Variants in RER1 observed in about 807,000 individuals in gnomAD.
The protein encoded by RER1 is protein RER1.
A neutral mutation model predicts 28.3 loss-of-function variants in RER1; 6 were observed. The ratio of observed to expected loss-of-function variants is 0.21; its 90% confidence interval spans 0.12 to 0.42. RER1 has a LOEUF of 0.42. Ranked by LOEUF, RER1 falls within the 10% of genes least tolerant of loss-of-function variation. The probability of loss-of-function intolerance (pLI) is 1.00; values close to 1 mark genes in which losing one functional copy is unlikely to be tolerated. For missense variants in RER1, 159 were observed against 252.9 expected (o/e 0.63, Z 2.52); for synonymous variants, 110 against 95.9 (o/e 1.15, Z -0.86).
At chr1:2,394,184 T>C (rs1268979423) in intron 1 of RER1, 2 of 152,184 alleles carry the variant, frequency 1.3e-5, no homozygotes, top group Non-Finnish European at 1.5e-5. Context: ...AGAGTAAAGG[T>C]GCTCCTCCTC....
At chr1:2,396,260 C>T in intron 2 of RER1, 1 of 248,694 alleles carries the variant, frequency 4.0e-6, no homozygotes, top group Admixed American at 4.9e-5. Flanking sequence ...GCGGTTCTGT[C>T]CTTGAGGGTG....
At chr1:2,401,443 G>A (rs1359453181) in intron 5 of RER1, among the ~76,000 whole-genome samples, 1 of 61,610 alleles carries the variant, frequency 1.6e-5, no homozygotes, top group African/African-American at 6.6e-5. Flanking sequence ...CCCCAGCCTT[G>A]TGGCTCCTTT....
In RER1 at chr1:2,404,311, A is replaced by C. The variant is rs1642925514; in HGVS notation, c.*1187A>C. The C allele has an allele frequency of 6.6e-6, 1 of 152,290 alleles. No individual in the cohort carries two copies. The highest frequency in any genetic ancestry group is 2.1e-4 in the South Asian group (1 of 4,834). The allele number at this position is 152,290 out of a possible 1,614,324, so 9.4% of individuals were successfully genotyped here. ...AGCTTGTGTGTCCCTGACCCAAGAT[A>C]GCCAGTGCTGCTCCCAGGTGGTACT... is the stretch of plus-strand genomic sequence containing the variant. On this transcript the variant is annotated 3_prime_UTR_variant, in exon 7 of 7. Coordinates refer to ENST00000605895, the MANE Select transcript of RER1 (RefSeq NM_007033.5).
intron 1 of RER1, chr1:2,395,384 C>T (rs547404449): frequency 2.5e-5 from 6 of 243,662 alleles, no homozygotes; most frequent in Admixed American, 1.5e-4. Context: ...GGTGCCTGGG[C>T]GGGGGAACCC....
In RER1 at chr1:2,400,845, T is replaced by A; in HGVS notation, c.287-12T>A. ...AAGAGGTGCCCTCCCTGATGGTTGC[T>A]CTGCCTTACAGATGACGGTCCTTCG... On this transcript the variant is annotated splice_polypyrimidine_tract_variant and intron_variant, in intron 4 of 6. Coordinates refer to ENST00000605895, the MANE Select transcript of RER1 (RefSeq NM_007033.5). 1.2e-6 allele frequency: 2 copies of A among 1,612,368 alleles called. No individual in the cohort carries two copies. The highest frequency in any genetic ancestry group is 1.7e-6 in the Non-Finnish European group (2 of 1,178,434).
In RER1 at chr1:2,395,827, G is replaced by A. The variant is rs1642760646; in HGVS notation, c.37G>A (p.Gly13Arg). ...GGACAGTGTGGGAGAATCCGTCCAT[G>A]GGAAACCTTCGGTGGTGTACAGATT... ...EGDSVGESVH[G>R]KPSVVYRFFT... Residue 13 changes from glycine (G) to arginine (R), a missense_variant, in exon 2 of 7, where the codon GGG (glycine) becomes AGG (arginine). Transcript: ENST00000605895. 6.2e-7 allele frequency: 1 copy of A among 1,614,026 alleles called. No individual in the cohort carries two copies.
chr1:2,392,923 A>G (rs1040083553), intron 1 of RER1, among the ~76,000 whole-genome samples: 1 of 95,536 alleles, frequency 1.0e-5, no homozygotes, highest in Non-Finnish European at 2.2e-5. Context: ...AGGACTGAAC[A>G]ACACCAGAGG....
chr1:2,395,867 G>T lies in RER1; in HGVS notation c.77G>T (p.Gly26Val). The part of the protein sequence containing the change: ...SVVYRFFTRL[G>V]QIYQSWLDKS... ...GTGTACAGATTTTTCACAAGACTTG[G>T]ACAGGTTGGTGGGTTTTTTAGTAGA... The change falls in exon 2 of 7, where the codon GGA becomes GTA. Residue 26 changes from glycine to valine, a missense_variant. Coordinates refer to ENST00000605895, the MANE Select transcript of RER1 (RefSeq NM_007033.5). 1 of 1,613,198 alleles carries T rather than the reference G, an allele frequency of 6.2e-7. No homozygotes were observed. The highest frequency in any genetic ancestry group is 8.5e-7 in the Non-Finnish European group (1 of 1,179,098).
intron 1 of RER1, 112 bp from the exon 2 acceptor site, chr1:2,395,672 A>G: frequency 1.3e-6 from 1 of 783,338 alleles, no homozygotes; most frequent in Non-Finnish European, 2.2e-6. Flanking sequence ...TGGTATATGG[A>G]CAAAATACTG....
At chr1:2,396,112 A>G (rs933110920) in intron 2 of RER1, 10 of 514,778 alleles carry the variant, frequency 1.9e-5, no homozygotes, top group African/African-American at 3.8e-5. Flanking sequence ...CCTTTTACCA[A>G]GCTTTAAAAA....
At chr1:2,398,061 G>A (rs1252698729) in intron 3 of RER1, among the ~76,000 whole-genome samples, 1 of 152,180 alleles carries the variant, frequency 6.6e-6, no homozygotes, top group African/African-American at 2.4e-5. Flanking sequence ...CTTGAATCAG[G>A]GACTTCAGGC....
chr1:2,393,142 C>T (rs910212430), intron 1 of RER1: 5 of 28,224 alleles, frequency 1.8e-4, no homozygotes, highest in African/African-American at 5.8e-4. Flanking sequence ...CTTACACTTT[C>T]TGGCACGTCC....
chr1:2,396,449 A>T (rs1387645552), intron 2 of RER1: 1 of 152,752 alleles, frequency 6.5e-6, no homozygotes, highest in African/African-American at 2.4e-5. Context: ...ATGAAAAGCG[A>T]TTGGCGATTA....
rs538085095 is a variant in RER1, at chr1:2,403,891, C to T, written c.*767C>T. On this transcript the variant is annotated 3_prime_UTR_variant, in exon 7 of 7. Coordinates refer to ENST00000605895, the MANE Select transcript of RER1 (RefSeq NM_007033.5). ...TGGCTTTGTAGGTTCAGCACTCGGC[C>T]CCCCACTGCGGGAGAGGCGGAACCC... 6.6e-6 allele frequency: 1 copy of T among 152,514 alleles called. No homozygotes were observed. Among genetic ancestry groups the T allele is most frequent in the South Asian group, 2.1e-4 (1 of 4,834 alleles). The allele number at this position is 152,514 out of a possible 1,614,324, so 9.4% of individuals were successfully genotyped here.
At chr1:2,392,367 T>G (rs1006215332) in intron 1 of RER1, among the ~76,000 whole-genome samples, 17 of 152,232 alleles carry the variant, frequency 1.1e-4, no homozygotes, top group African/African-American at 3.9e-4. Context: ...GTCCCCATCC[T>G]GCGTCCAGGT....
chr1:2,401,877 C>A, intron 5 of RER1: 1 of 706,518 alleles, frequency 1.4e-6, no homozygotes, highest in Non-Finnish European at 2.3e-6. Flanking sequence ...GTCCACAAGA[C>A]ACAGCCTGGG....
chr1:2,391,849 G>C lies in RER1; in HGVS notation c.-117G>C, dbSNP rs1642677457. The C allele has an allele frequency of 3.1e-6, 1 of 324,836 alleles. No homozygotes were observed. The highest frequency in any genetic ancestry group is 5.5e-6 in the Non-Finnish European group (1 of 181,762). The allele number at this position is 324,836 out of a possible 1,614,324, so 20.1% of individuals were successfully genotyped here. On this transcript the variant is annotated 5_prime_UTR_variant, in exon 1 of 7. Transcript: ENST00000605895. ...CGCGGAGGACGGAGCGGAAGTGCTC[G>C]CTGCAGCTTCCCGGAGCCGGAGCGC... is the stretch of plus-strand genomic sequence containing the variant.
intron 5 of RER1, 152 bp from the exon 6 acceptor site, chr1:2,402,055 C>A: frequency 6.4e-7 from 1 of 1,571,232 alleles, no homozygotes; most frequent in Non-Finnish European, 8.6e-7. Flanking sequence ...TGCAAAGGGT[C>A]CTGCTGCTGC....
intron 5 of RER1, among the ~76,000 whole-genome samples, chr1:2,401,199 TCTGTCCTCCCTCCTCCTCCCTCCTCCTC>T (rs1642842380): frequency 2.4e-5 from 3 of 123,764 alleles, no homozygotes; most frequent in Middle Eastern, 4.0e-3. Flanking sequence ...GGGCAGGCCC[TCTGTCCTCCCTCCTCCTCCCTCCTCCTC>T]CCTTCCTCCC....
Sources: allele counts gnomAD v4.1 joint callset (sites outside exome capture counted in the v4.1 genomes callset), GRCh38; gene constraint gnomAD v4.1.1; transcripts MANE v1.5; gene names NCBI Gene and HGNC (gene_info 2026-07-23, HGNC 2026-07-21).